WSCD2: variants seen among roughly 807,000 people sequenced by gnomAD.
WSCD2 encodes WSC domain sialate O sulfotransferase 2.
WSCD2 carries 28 observed loss-of-function variants against 55.7 expected under a neutral mutation model. That is an observed-to-expected ratio of 0.50 (90% confidence interval 0.37 to 0.69). The LOEUF (loss-of-function observed/expected upper bound fraction) is 0.69, where lower values mean the gene tolerates loss of function less well. Among genes scored for constraint, WSCD2 ranks in the 30% least tolerant of loss-of-function variants. The probability of loss-of-function intolerance (pLI) is 0.00; values close to 1 mark genes in which losing one functional copy is unlikely to be tolerated. For missense variants in WSCD2, 616 were observed against 762.1 expected (o/e 0.81, Z 2.26); for synonymous variants, 301 against 301.9 (o/e 1.00, Z 0.03).
intron 4 of WSCD2, among the ~76,000 whole-genome samples, chr12:108,215,939 G>A (rs1415862279): frequency 2.6e-5 from 4 of 152,226 alleles, no homozygotes; most frequent in Non-Finnish European, 4.4e-5. Flanking sequence ...AGCCCAAGCT[G>A]CTGAGGTCAT....
intron 1 of WSCD2, among the ~76,000 whole-genome samples, chr12:108,132,025 G>C (rs1321186536): frequency 2.0e-5 from 3 of 152,096 alleles, no homozygotes; most frequent in Admixed American, 2.0e-4. Flanking sequence ...GGAAAGAAGT[G>C]TCTTACAGCA....
chr12:108,231,358 A>G (rs1888730358), intron 6 of WSCD2, among the ~76,000 whole-genome samples: 1 of 152,194 alleles, frequency 6.6e-6, no homozygotes, highest in Non-Finnish European at 1.5e-5. Flanking sequence ...TGAGGGAACC[A>G]AAAGAAAAGC....
chr12:108,173,991 GGGTGTTTGCCA>G (rs1200157573), intron 1 of WSCD2, among the ~76,000 whole-genome samples: 2 of 152,020 alleles, frequency 1.3e-5, no homozygotes, highest in African/African-American at 2.4e-5. Flanking sequence ...CTTGAATGTG[GGGTGTTTGCCA>G]GGCCCCGTTA....
intron 8 of WSCD2, among the ~76,000 whole-genome samples, chr12:108,245,282 C>T (rs1890007177): frequency 6.6e-6 from 1 of 152,084 alleles, no homozygotes; most frequent in Non-Finnish European, 1.5e-5. Context: ...AAAATGGAGC[C>T]AGTATTAAGA....
chr12:108,229,903 G>A (rs529797827), intron 6 of WSCD2, among the ~76,000 whole-genome samples: 21 of 150,508 alleles, frequency 1.4e-4, no homozygotes, highest in East Asian at 5.8e-4. Flanking sequence ...CAGAAAAGTC[G>A]GAAGAATTAT....
chr12:108,170,392 A>G (rs1294212790), intron 1 of WSCD2, among the ~76,000 whole-genome samples: 1 of 151,382 alleles, frequency 6.6e-6, no homozygotes, highest in Admixed American at 6.6e-5. Context: ...GATGATGGTG[A>G]TGATGTAAAT....
intron 4 of WSCD2, among the ~76,000 whole-genome samples, chr12:108,211,769 T>C (rs1186807830): frequency 6.6e-6 from 1 of 150,890 alleles, no homozygotes; most frequent in Non-Finnish European, 1.5e-5. Flanking sequence ...TTCTCCTGCC[T>C]CAGCCTCCCA....
intron 2 of WSCD2, among the ~76,000 whole-genome samples, chr12:108,202,885 G>A (rs933080338): frequency 2.0e-5 from 3 of 152,188 alleles, no homozygotes; most frequent in Non-Finnish European, 4.4e-5. Flanking sequence ...AAAAGCCCAG[G>A]CTTTGGGGAA....
intron 3 of WSCD2, among the ~76,000 whole-genome samples, chr12:108,208,978 A>G (rs909352608): frequency 6.6e-6 from 1 of 152,242 alleles, no homozygotes; most frequent in Non-Finnish European, 1.5e-5. Context: ...TAAAGATATT[A>G]TATTCTAGAG....
chr12:108,139,392 G>C (rs1315507971), intron 1 of WSCD2, among the ~76,000 whole-genome samples: 1 of 152,140 alleles, frequency 6.6e-6, no homozygotes, highest in South Asian at 2.1e-4. Context: ...CTGGGGACTT[G>C]GAACAGACCC....
intron 1 of WSCD2, among the ~76,000 whole-genome samples, chr12:108,173,808 C>CTGTGTG (rs1300986533): frequency 2.3e-4 from 23 of 100,966 alleles, no homozygotes; most frequent in African/African-American, 1.0e-3. Context: ...ATTCCTGGCT[C>CTGTGTG]TCTGTGTGTG....
At chr12:108,202,734 G>A (rs934665772) in intron 2 of WSCD2, among the ~76,000 whole-genome samples, 4 of 152,124 alleles carry the variant, frequency 2.6e-5, no homozygotes, top group African/African-American at 9.7e-5. Context: ...GAGAAGAGGT[G>A]AAAATATAAC....
At chr12:108,197,028 A>C (rs1037051289) in intron 2 of WSCD2, 2 of 152,216 alleles carry the variant, frequency 1.3e-5, no homozygotes, top group Non-Finnish European at 2.9e-5. Flanking sequence ...TCAGTTCTCT[A>C]AGGCTGTCTC....
At chr12:108,168,310 C>G (rs1045135322) in intron 1 of WSCD2, among the ~76,000 whole-genome samples, 9 of 152,196 alleles carry the variant, frequency 5.9e-5, no homozygotes, top group African/African-American at 1.9e-4. Flanking sequence ...TGATCATGCT[C>G]TGCCACTTTT....
At position 108,248,368 on chromosome 12, in the gene WSCD2, A is replaced by G; in HGVS notation, c.*25A>G. The G allele has an allele frequency of 3.8e-6, 6 of 1,595,468 alleles. No individual in the cohort carries two copies. The highest frequency in any genetic ancestry group is 5.1e-6 in the Non-Finnish European group (6 of 1,168,068). On this transcript the variant is annotated 3_prime_UTR_variant, in exon 9 of 9. Coordinates refer to ENST00000547525, the MANE Select transcript of WSCD2 (RefSeq NM_014653.4). The surrounding 1 kb of genome is among the most constrained non-coding windows in gnomAD (Gnocchi z 4.3). ...ATGCGTCCACACAGGGGGAGGGTAG[A>G]CTGGGAGTCCTGACCACGCAGGCCC...
At chr12:108,216,008 G>T (rs1406656513) in intron 4 of WSCD2, among the ~76,000 whole-genome samples, 1 of 152,200 alleles carries the variant, frequency 6.6e-6, no homozygotes, top group Non-Finnish European at 1.5e-5. Flanking sequence ...TGGGGCATGG[G>T]CTTTTGCAAT....
intron 8 of WSCD2, among the ~76,000 whole-genome samples, chr12:108,247,678 C>T (rs759478238): frequency 6.6e-6 from 1 of 152,174 alleles, no homozygotes; most frequent in Non-Finnish European, 1.5e-5. Context: ...ACCTCAGCCT[C>T]CTGAGTAACA....
Position 108,207,148 on chromosome 12 carries a change from C to A in WSCD2, c.497+745C>A, listed in dbSNP as rs1429042003. ...TCCCCAGAGGCCTGGTGAACAGGGA[C>A]AGGACCCCTGGGGGCACCATGGGGC... On this transcript the variant is annotated intron_variant, in intron 3 of 8. Transcript: ENST00000547525. Among the ~76,000 whole-genome samples, 6 of 152,214 alleles carry A rather than the reference C, an allele frequency of 3.9e-5. No individual in the cohort carries two copies. The East Asian group carries it at 1.2e-3, about 29-fold the overall frequency.
intron 8 of WSCD2, among the ~76,000 whole-genome samples, chr12:108,244,326 G>A (rs528460673): frequency 3.9e-5 from 6 of 152,270 alleles, no homozygotes; most frequent in South Asian, 4.2e-4. Flanking sequence ...TTCAAGAGAG[G>A]AAGCATTGCC....
Sources: allele counts gnomAD v4.1 joint callset (sites outside exome capture counted in the v4.1 genomes callset), GRCh38; gene constraint gnomAD v4.1.1; non-coding constraint Gnocchi (gnomAD v3.1); transcripts MANE v1.5; gene names NCBI Gene and HGNC (gene_info 2026-07-23, HGNC 2026-07-21).